Variants in ASH1L observed in about 807,000 individuals in gnomAD.
ASH1L encodes ASH1 like histone lysine methyltransferase.
A neutral mutation model predicts 269.0 loss-of-function variants in ASH1L; 23 were observed. The observed-to-expected ratio is 0.09, with a 90% CI of 0.06 to 0.12. The LOEUF (loss-of-function observed/expected upper bound fraction) is 0.12, where lower values mean the gene tolerates loss of function less well. Ranked by LOEUF, ASH1L falls within the 10% of genes least tolerant of loss-of-function variation. ASH1L has a pLI of 1.00. For synonymous variants in ASH1L, 1,187 were observed against 1,253.5 expected (o/e 0.95, Z 1.12); for missense variants, 2,912 against 3,567.8 (o/e 0.82, Z 4.68).
chr1:155,425,723 C>T (rs1301287799), intron 5 of ASH1L, among the ~76,000 whole-genome samples: 2 of 152,078 alleles, frequency 1.3e-5, no homozygotes, highest in African/African-American at 4.8e-5. Flanking sequence ...CGTGAGCCAC[C>T]ACACCCGGCC....
At chr1:155,355,006 A>G (rs1421916267) in intron 15 of ASH1L, among the ~76,000 whole-genome samples, 1 of 152,216 alleles carries the variant, frequency 6.6e-6, no homozygotes, top group Non-Finnish European at 1.5e-5. Context: ...TAAGATGGAT[A>G]CGCACTGGGC....
At chr1:155,486,462 G>C (rs1666334057) in intron 2 of ASH1L, among the ~76,000 whole-genome samples, 1 of 151,662 alleles carries the variant, frequency 6.6e-6, no homozygotes, top group East Asian at 1.9e-4. Context: ...GAATAAATAA[G>C]ACCTACTGTT....
chr1:155,416,277 C>G (rs1660200001), intron 5 of ASH1L, among the ~76,000 whole-genome samples: 1 of 151,944 alleles, frequency 6.6e-6, no homozygotes, highest in Non-Finnish European at 1.5e-5. Flanking sequence ...ATTACAGGGG[C>G]ACGCCACCAG....
chr1:155,438,282 A>C, intron 5 of ASH1L, 45 bp downstream of exon 5: 1 of 1,496,210 alleles, frequency 6.7e-7, no homozygotes. Context: ...CAGTTTTTCA[A>C]AGCTAGTTTC....
intron 4 of ASH1L, among the ~76,000 whole-genome samples, chr1:155,449,094 C>T: frequency 1.3e-5 from 2 of 152,132 alleles, no homozygotes; most frequent in Non-Finnish European, 2.9e-5. Context: ...CCACCACGCC[C>T]AGCTAATTTT....
chr1:155,422,256 C>T (rs558463578), intron 5 of ASH1L, among the ~76,000 whole-genome samples: 48 of 151,374 alleles, frequency 3.2e-4, no homozygotes, highest in Non-Finnish European at 6.5e-4. Flanking sequence ...CCTGCCTCAG[C>T]CTCCCGAGTA....
At chr1:155,446,823 T>C (rs1010710519) in intron 4 of ASH1L, among the ~76,000 whole-genome samples, 1 of 150,128 alleles carries the variant, frequency 6.7e-6, no homozygotes, top group African/African-American at 2.4e-5. Context: ...CGGGGTTTCA[T>C]CGTGATCCTG....
chr1:155,416,811 C>T (rs533719378), intron 5 of ASH1L, among the ~76,000 whole-genome samples: 3 of 152,002 alleles, frequency 2.0e-5, no homozygotes, highest in African/African-American at 7.2e-5. Flanking sequence ...GGATTACAGG[C>T]ATGAGCCACT....
At chr1:155,435,378 A>G (rs548446906) in intron 5 of ASH1L, among the ~76,000 whole-genome samples, 6 of 152,340 alleles carry the variant, frequency 3.9e-5, no homozygotes, top group African/African-American at 1.4e-4. Context: ...TTCCTACCAC[A>G]GTATAAGGTA....
intron 5 of ASH1L, chr1:155,433,627 T>G: frequency 1.9e-6 from 3 of 1,608,752 alleles, no homozygotes; most frequent in African/African-American, 1.3e-5. Context: ...TCGAACAATT[T>G]GCCAAGCTCC....
In ASH1L at chr1:155,344,249, G is replaced by A; in HGVS notation, c.7915C>T (p.His2639Tyr). The A allele has an allele frequency of 6.2e-7, 1 of 1,614,120 alleles. No individual in the cohort carries two copies. The highest frequency in any genetic ancestry group is 8.5e-7 in the Non-Finnish European group (1 of 1,180,006). ...TAGACACAGCCAGGTTGGGCATAGT[G>A]GGGCCGAGGGATCATGGGAACCTCC... The part of the protein sequence containing the change: ...DREVPMIPRP[H>Y]YAQPGCVYFI... The change falls in exon 22 of 28, where the codon CAC becomes TAC. Residue 2639 changes from histidine to tyrosine, a missense_variant. This residue lies in a region of ASH1L where 179 missense variants were observed against 293.8 expected (regional missense o/e 0.61). Transcript: ENST00000392403.
chr1:155,380,558 C>T (rs1656844375), intron 7 of ASH1L, among the ~76,000 whole-genome samples: 1 of 151,736 alleles, frequency 6.6e-6, no homozygotes, highest in African/African-American at 2.4e-5. Context: ...TTTTTCCTAC[C>T]TATTGAAATA....
rs1571114473 is a variant in ASH1L at position 155,542,715 on chromosome 1, T to C, written c.-100+19438A>G. On this transcript the variant is annotated intron_variant, in intron 1 of 27. Coordinates refer to ENST00000392403, the MANE Select transcript of ASH1L (RefSeq NM_018489.3). ...TTTTTTTTGAGAAGGAGTCTCATTC[T>C]GTCACCCAGGCTGGAGTGCAGTGGT... Among the ~76,000 whole-genome samples, 15 of 149,866 alleles carry C rather than the reference T, an allele frequency of 1.0e-4. No individual in the cohort carries two copies. The South Asian group carries it at 3.2e-3, about 32-fold the overall frequency.
chr1:155,370,355 G>T, intron 12 of ASH1L, 149 bp downstream of exon 12: 1 of 897,240 alleles, frequency 1.1e-6, no homozygotes, highest in East Asian at 2.4e-5. Flanking sequence ...TGAAAACGAA[G>T]CAGCTTACTC....
At chr1:155,509,879 T>C (rs1668054231) in intron 2 of ASH1L, among the ~76,000 whole-genome samples, 1 of 152,098 alleles carries the variant, frequency 6.6e-6, no homozygotes, top group Non-Finnish European at 1.5e-5. Context: ...CCATAACTCA[T>C]AAACCATAAC....
chr1:155,446,895 GC>G (rs1458734369), intron 4 of ASH1L, among the ~76,000 whole-genome samples: 3 of 152,214 alleles, frequency 2.0e-5, no homozygotes, highest in Non-Finnish European at 2.9e-5. Flanking sequence ...GAGCCACCGC[GC>G]CCGGCGCTAC....
intron 21 of ASH1L, chr1:155,346,054 G>T (rs992642431): frequency 7.9e-6 from 6 of 759,234 alleles, no homozygotes; most frequent in Non-Finnish European, 1.1e-5. Flanking sequence ...GGCTGGTCTC[G>T]AACTCCTGAG....
At chr1:155,536,751 A>C (rs1387853743) in intron 1 of ASH1L, among the ~76,000 whole-genome samples, 2 of 151,946 alleles carry the variant, frequency 1.3e-5, no homozygotes, top group South Asian at 2.1e-4. Context: ...GTTAAAAGAA[A>C]AAAGAAAGAG....
intron 1 of ASH1L, among the ~76,000 whole-genome samples, chr1:155,522,686 A>ATT (rs34562141): frequency 1.4e-4 from 20 of 141,230 alleles, no homozygotes; most frequent in East Asian, 4.1e-4. Context: ...AGATTAGTGA[A>ATT]TTTTTTTTTT....
Sources: allele counts gnomAD v4.1 joint callset (sites outside exome capture counted in the v4.1 genomes callset), GRCh38; gene constraint gnomAD v4.1.1; regional missense constraint gnomAD v4.1.1; transcripts MANE v1.5; gene names NCBI Gene and HGNC (gene_info 2026-07-23, HGNC 2026-07-21).